The following TRPM6 variants were observed in gnomAD, a reference collection of about 807,000 sequenced individuals.
TRPM6 encodes channel kinase 2.
A neutral mutation model predicts 247.6 loss-of-function variants in TRPM6; 111 were observed. The ratio of observed to expected loss-of-function variants is 0.45; its 90% CI spans 0.38 to 0.52. The LOEUF is 0.52. TRPM6 is among the 20% of genes least tolerant of loss of function. The pLI is 0.00. For missense variants in TRPM6, 2,126 were observed against 2,421.5 expected (o/e 0.88, Z 2.56); for synonymous variants, 892 against 853.8 (o/e 1.04, Z -0.78).
chr9:74,740,550 C>A (rs1029470564), intron 33 of TRPM6, among the ~76,000 whole-genome samples: 1 of 152,140 alleles, frequency 6.6e-6, no homozygotes, highest in Non-Finnish European at 1.5e-5. Flanking sequence ...GGGACCCAAG[C>A]GCAAACACAA....
chr9:74,824,104 T>A (rs1829234751), intron 7 of TRPM6, among the ~76,000 whole-genome samples: 1 of 151,798 alleles, frequency 6.6e-6, no homozygotes, highest in Non-Finnish European at 1.5e-5. Context: ...GAAAAAAAAA[T>A]TAATATGGGC....
At chr9:74,740,982 T>C (rs1248340026) in intron 33 of TRPM6, among the ~76,000 whole-genome samples, 1 of 152,148 alleles carries the variant, frequency 6.6e-6, no homozygotes, top group Non-Finnish European at 1.5e-5. Context: ...CCTTGTGCCT[T>C]TGGACGAGTT....
Position 74,762,716 on chromosome 9 carries a change from T to C in TRPM6, c.3955A>G (p.Arg1319Gly). The C allele has an allele frequency of 1.2e-6, 2 of 1,614,198 alleles. No individual in the cohort carries two copies. Among genetic ancestry groups the C allele is most frequent in the South Asian group, 1.1e-5 (1 of 91,092 alleles). ...ACTATACTACTTTGTGTTTCTTGCC[T>C]TTCCTGGTCATTTCTTACATTTGTA... Reference protein sequence around the residue: ...EATNVRNDQERQETQSSIVVS... With the variant: ...EATNVRNDQEGQETQSSIVVS... Residue 1319 changes from arginine to glycine, a missense_variant, in exon 26 of 39, where the codon AGG becomes GGG. Physicochemically the swap from Arg to Gly is moderately radical, Grantham distance 125. This residue lies in a region of TRPM6 where 717 missense variants were observed against 715.9 expected (regional missense o/e 1.00). Coordinates refer to ENST00000360774, the MANE Select transcript of TRPM6 (RefSeq NM_017662.5).
Position 74,788,614 on chromosome 9 carries a change from C to T in TRPM6, c.2667G>A (p.Glu889=), listed in dbSNP as rs1827779083. The change falls in exon 20 of 39, where the codon GAG becomes GAA. Residue 889 remains glutamate (E), a splice_region_variant and synonymous_variant. Transcript: ENST00000360774. The part of the protein sequence containing the change: ...IFTNAIEVVR[E]ICISEPGKFT... ...GATAAAGGTAGATGGCATAACTCAC[C>T]TCCCTGACCACCTCAATAGCATTGG... The T allele has an allele frequency of 6.2e-7, 1 of 1,613,830 alleles. No homozygotes were observed. Among genetic ancestry groups the T allele is most frequent in the Non-Finnish European group, 8.5e-7 (1 of 1,179,880 alleles).
intron 1 of TRPM6, among the ~76,000 whole-genome samples, chr9:74,878,513 C>T (rs556117953): frequency 3.1e-4 from 47 of 152,332 alleles, no homozygotes; most frequent in East Asian, 1.7e-3. Flanking sequence ...TCAGACACTA[C>T]TGACACTGTT....
chr9:74,749,569 C>T (rs890015687), intron 30 of TRPM6, among the ~76,000 whole-genome samples: 17 of 152,200 alleles, frequency 1.1e-4, no homozygotes, highest in African/African-American at 3.9e-4. Context: ...CATTAGCCCA[C>T]GTGGCTGCTA....
chr9:74,885,172 G>T (rs1831494502), intron 1 of TRPM6, among the ~76,000 whole-genome samples: 1 of 152,188 alleles, frequency 6.6e-6, no homozygotes, highest in African/African-American at 2.4e-5. Context: ...GCTTTTAATA[G>T]CATGTAGGGA....
chr9:74,876,118 T>G (rs2118493329), intron 1 of TRPM6, among the ~76,000 whole-genome samples: 1 of 152,262 alleles, frequency 6.6e-6, no homozygotes, highest in South Asian at 2.1e-4. Context: ...ATTTTCGCTC[T>G]TGTCGCCCAG....
At chr9:74,862,407 T>C (rs1488516878) in intron 1 of TRPM6, among the ~76,000 whole-genome samples, 2 of 152,194 alleles carry the variant, frequency 1.3e-5, no homozygotes, top group Non-Finnish European at 2.9e-5. Flanking sequence ...TGGATGTTTT[T>C]TGCTTTTTAA....
At chr9:74,829,058 C>T (rs551182918) in intron 6 of TRPM6, among the ~76,000 whole-genome samples, 3 of 151,952 alleles carry the variant, frequency 2.0e-5, no homozygotes, top group East Asian at 3.9e-4. Flanking sequence ...TTTAGGAGGC[C>T]GAAGCTAGCG....
At chr9:74,826,867 T>G (rs760603213) in intron 7 of TRPM6, 1 of 151,862 alleles carries the variant, frequency 6.6e-6, no homozygotes. Context: ...GCCTCCTGAG[T>G]AGCTGGGATT....
intron 19 of TRPM6, among the ~76,000 whole-genome samples, chr9:74,792,345 A>C (rs2118973696): frequency 6.6e-6 from 1 of 152,310 alleles, no homozygotes; most frequent in Non-Finnish European, 1.5e-5. Flanking sequence ...GCAATAGGGC[A>C]AAGCCAGCTA....
At chr9:74,887,720 T>A in intron 1 of TRPM6, 104 bp downstream of exon 1, 1 of 1,612,942 alleles carries the variant, frequency 6.2e-7, no homozygotes, top group South Asian at 1.1e-5. Flanking sequence ...CCTCGTTAGA[T>A]GTAGTGTCCC....
chr9:74,838,483 A>G (rs983186030), intron 5 of TRPM6, among the ~76,000 whole-genome samples: 4 of 152,136 alleles, frequency 2.6e-5, no homozygotes, highest in African/African-American at 7.2e-5. Flanking sequence ...ATTCCTTTTC[A>G]GTCAAAAGGA....
At chr9:74,877,418 C>T (rs1831227944) in intron 1 of TRPM6, among the ~76,000 whole-genome samples, 1 of 152,154 alleles carries the variant, frequency 6.6e-6, no homozygotes, top group Admixed American at 6.5e-5. Flanking sequence ...AGGGAGCTGC[C>T]TGGAGACCAT....
intron 31 of TRPM6, among the ~76,000 whole-genome samples, chr9:74,745,462 C>T (rs182823674): frequency 4.9e-4 from 72 of 145,814 alleles, no homozygotes; most frequent in Admixed American, 1.0e-3. Context: ...TGTGTGTGTG[C>T]GTGTGTGTGT....
At chr9:74,786,417 GC>G (rs1199965753) in intron 20 of TRPM6, among the ~76,000 whole-genome samples, 1 of 152,182 alleles carries the variant, frequency 6.6e-6, no homozygotes, top group African/African-American at 2.4e-5. Context: ...TCCTGAAATA[GC>G]ATGAGAAAAC....
At position 74,842,343 on chromosome 9, in the gene TRPM6, C is replaced by T; in HGVS notation, c.153G>A (p.Arg51=). The change falls in exon 4 of 39, where the codon AGG becomes AGA. Residue 51 remains arginine (R), a splice_region_variant and synonymous_variant. Transcript: ENST00000360774. ...CTCCAATCAGTCGGCCACAGTAACA[C>T]CTTAAATTCAAGACCAAAAAAAAAC... is the stretch of plus-strand genomic sequence containing the variant. ...PVCQVCQNLI[R]CYCGRLIGDH... 2 of 1,613,992 alleles carry T rather than the reference C, an allele frequency of 1.2e-6. No individual in the cohort carries two copies. The highest frequency in any genetic ancestry group is 1.7e-6 in the Non-Finnish European group (2 of 1,179,974).
intron 1 of TRPM6, among the ~76,000 whole-genome samples, chr9:74,878,228 C>T (rs1831251240): frequency 1.3e-5 from 2 of 152,130 alleles, no homozygotes; most frequent in Non-Finnish European, 2.9e-5. Context: ...CACACCACAC[C>T]CACTGTCCAG....
Sources: allele counts gnomAD v4.1 joint callset (sites outside exome capture counted in the v4.1 genomes callset), GRCh38; gene constraint gnomAD v4.1.1; regional missense constraint gnomAD v4.1.1; transcripts MANE v1.5; gene names NCBI Gene and HGNC (gene_info 2026-07-23, HGNC 2026-07-21).